The following COL4A1 variants were observed in gnomAD, a reference collection of about 807,000 sequenced individuals.
The protein encoded by COL4A1 is collagen alpha-1(IV) chain.
A neutral mutation model predicts 216.6 loss-of-function variants in COL4A1; 40 were observed. The ratio of observed to expected loss-of-function variants is 0.18; its 90% confidence interval spans 0.14 to 0.24. COL4A1 has a LOEUF of 0.24. Ranked by LOEUF, COL4A1 falls within the 10% of genes least tolerant of loss-of-function variation. The pLI, the probability that COL4A1 is intolerant of heterozygous loss-of-function variation, is 1.00. For synonymous variants in COL4A1, 839 were observed against 810.7 expected (o/e 1.03, Z -0.59); for missense variants, 1,628 against 2,196.8 (o/e 0.74, Z 5.18).
intron 1 of COL4A1, among the ~76,000 whole-genome samples, chr13:110,287,357 A>G (rs993589006): frequency 6.6e-6 from 1 of 152,220 alleles, no homozygotes; most frequent in African/African-American, 2.4e-5. Context: ...ATGGCTGCAC[A>G]CAGCTGCAAA....
chr13:110,181,382 G>A lies in COL4A1; in HGVS notation c.2103C>T (p.Asp701=), dbSNP rs561116319. The A allele has an allele frequency of 2.4e-5, 39 of 1,611,382 alleles. No individual in the cohort carries two copies. The highest frequency in any genetic ancestry group is 9.9e-5 in the South Asian group (9 of 90,868). Residue 701 remains aspartate, a synonymous_variant, in exon 29 of 52, where the codon GAC becomes GAT. Coordinates refer to ENST00000375820, the MANE Select transcript of COL4A1 (RefSeq NM_001845.6). ...FPGPPGPKGV[D]GLPGDMGPPG... ...GTGGCCCCATGTCTCCAGGTAAGCC[G>A]TCAACACCTGTTTTAAAGAGTCAAA...
chr13:110,286,802 C>T (rs1679965071), intron 1 of COL4A1, among the ~76,000 whole-genome samples: 1 of 152,234 alleles, frequency 6.6e-6, no homozygotes, highest in Non-Finnish European at 1.5e-5. Context: ...CAAATGCTCA[C>T]TTTTCCCAAG....
chr13:110,267,477 G>A (rs948168613), intron 1 of COL4A1, among the ~76,000 whole-genome samples: 14 of 152,120 alleles, frequency 9.2e-5, no homozygotes, highest in Non-Finnish European at 2.9e-5. Flanking sequence ...AAGGGCTTGA[G>A]GAATCTTTGC....
At chr13:110,257,445 A>T (rs1038134339) in intron 1 of COL4A1, among the ~76,000 whole-genome samples, 1 of 152,256 alleles carries the variant, frequency 6.6e-6, no homozygotes, top group African/African-American at 2.4e-5. Flanking sequence ...GCAAACCGTA[A>T]GTGCTACTTC....
intron 1 of COL4A1, among the ~76,000 whole-genome samples, chr13:110,246,411 A>T (rs996370723): frequency 1.7e-5 from 1 of 58,548 alleles, no homozygotes; most frequent in African/African-American, 5.0e-5. Context: ...ATAAGCTTCA[A>T]ATGGTGAATT....
rs1177331067 is a variant in COL4A1, at chr13:110,268,437, C to A, written c.85-25703G>T. On this transcript the variant is annotated intron_variant, in intron 1 of 51. Coordinates refer to ENST00000375820, the MANE Select transcript of COL4A1 (RefSeq NM_001845.6). The surrounding 1 kb of genome is among the most constrained non-coding windows in gnomAD (Gnocchi z 4.1). ...CTCTCTGCTCTCTTTAGAGAGAAGG[C>A]AACCATCCTCGCCAGTCCAAGTGAG... Among the ~76,000 whole-genome samples, 1 of 152,176 alleles carries A rather than the reference C, an allele frequency of 6.6e-6. No homozygotes were observed. The highest frequency in any genetic ancestry group is 2.4e-5 in the African/African-American group (1 of 41,444).
chr13:110,252,055 G>A (rs1332444045), intron 1 of COL4A1, among the ~76,000 whole-genome samples: 2 of 151,842 alleles, frequency 1.3e-5, no homozygotes, highest in Non-Finnish European at 2.9e-5. Context: ...GTAGAGTCTC[G>A]CTCTGTTGCC....
chr13:110,284,124 C>G (rs1318328022), intron 1 of COL4A1, among the ~76,000 whole-genome samples: 1 of 152,234 alleles, frequency 6.6e-6, no homozygotes, highest in East Asian at 1.9e-4. Context: ...TGGAAACACA[C>G]AGCTCTCAAT....
chr13:110,162,596 GGCTAACTAAATACA>G (rs1237099638), intron 47 of COL4A1, among the ~76,000 whole-genome samples, 154 bp from the exon 48 acceptor site: 2 of 151,900 alleles, frequency 1.3e-5, no homozygotes, highest in African/African-American at 4.8e-5. Flanking sequence ...AAGAATGCAT[GGCTAACTAAATACA>G]GCAGCCTACC....
chr13:110,261,821 G>A (rs1376739941), intron 1 of COL4A1, among the ~76,000 whole-genome samples: 2 of 152,200 alleles, frequency 1.3e-5, no homozygotes, highest in African/African-American at 4.8e-5. Context: ...CTGGTGCAGT[G>A]CCTGCCACTT....
At chr13:110,282,099 T>G (rs1468737949) in intron 1 of COL4A1, among the ~76,000 whole-genome samples, 1 of 152,228 alleles carries the variant, frequency 6.6e-6, no homozygotes, top group Non-Finnish European at 1.5e-5. Context: ...CTCACCAGTT[T>G]CTAGTGTATA....
chr13:110,261,607 C>CCTCCTAGAGATGA (rs1882831779), intron 1 of COL4A1, among the ~76,000 whole-genome samples: 1 of 152,116 alleles, frequency 6.6e-6, no homozygotes, highest in South Asian at 2.1e-4. Context: ...AGGTTCCATC[C>CCTCCTAGAGATGA]CTCCTAGAGA....
rs193114931 is a variant in COL4A1 at position 110,174,540 on chromosome 13, C to T, written c.3326-14G>A. 3.7e-6 allele frequency: 6 copies of T among 1,613,734 alleles called. No homozygotes were observed. The South Asian group carries it at 5.5e-5, about 15-fold the overall frequency. On this transcript the variant is annotated splice_polypyrimidine_tract_variant and intron_variant, in intron 38 of 51. Coordinates refer to ENST00000375820, the MANE Select transcript of COL4A1 (RefSeq NM_001845.6). ...GCCCAGGACTTCCTAAAGAAAAAAA[C>T]AAAACACCAGAACATCCATAAGTTT...
At chr13:110,290,931 G>A (rs1018042) in intron 1 of COL4A1, among the ~76,000 whole-genome samples, 128,473 of 152,212 alleles carry the variant, frequency 0.84, 54,251 homozygotes, top group East Asian at 0.93. Flanking sequence ...GGGGGTCGCC[G>A]TGCAGTGGCA....
At chr13:110,155,200 G>T in intron 50 of COL4A1, 83 bp downstream of exon 50, 1 of 963,088 alleles carries the variant, frequency 1.0e-6, no homozygotes, top group East Asian at 2.4e-5. Context: ...AGAACTCCAA[G>T]GTGTGGAGGC....
chr13:110,164,579 G>T (rs141463406), intron 46 of COL4A1, among the ~76,000 whole-genome samples: 1 of 152,310 alleles, frequency 6.6e-6, no homozygotes, highest in East Asian at 1.9e-4. Flanking sequence ...GAGGGGGAAA[G>T]GTAATGATCT....
intron 2 of COL4A1, among the ~76,000 whole-genome samples, 156 bp downstream of exon 2, chr13:110,242,519 T>G (rs776050262): frequency 3.9e-5 from 6 of 152,246 alleles, no homozygotes; most frequent in African/African-American, 1.4e-4. Context: ...AGAAGTAATG[T>G]CAAGCCTGGT....
At chr13:110,204,938 C>T (rs568480143) in intron 17 of COL4A1, among the ~76,000 whole-genome samples, 2 of 152,216 alleles carry the variant, frequency 1.3e-5, no homozygotes, top group Non-Finnish European at 2.9e-5. Context: ...TCTATCATTA[C>T]GTGAAAAAGC....
rs769179345 is a variant in COL4A1 at position 110,173,882 on chromosome 13, T to G, written c.3505+18A>C. The stretch of plus-strand genomic sequence containing the variant: ...GGACACTGCTGATTCTGATAGGGAA[T>G]GGGGCGTTGGGCCATACCTGGTTCA... On this transcript the variant is annotated intron_variant, in intron 40 of 51. Coordinates refer to ENST00000375820, the MANE Select transcript of COL4A1 (RefSeq NM_001845.6). 2 of 1,613,956 alleles carry G rather than the reference T, an allele frequency of 1.2e-6. No homozygotes were observed. Among genetic ancestry groups the G allele is most frequent in the East Asian group, 4.5e-5 (2 of 44,874 alleles).
Sources: allele counts gnomAD v4.1 joint callset (sites outside exome capture counted in the v4.1 genomes callset), GRCh38; gene constraint gnomAD v4.1.1; non-coding constraint Gnocchi (gnomAD v3.1); transcripts MANE v1.5; gene names NCBI Gene and HGNC (gene_info 2026-07-23, HGNC 2026-07-21).